Variants in TMA16 observed in about 807,000 individuals in gnomAD.
TMA16 encodes translation machinery associated 16 homolog.
TMA16 carries 26 observed loss-of-function variants against 27.1 expected under a neutral mutation model. The observed-to-expected ratio is 0.96, with a 90% confidence interval of 0.70 to 1.33. The LOEUF is 1.33. Among genes scored for constraint, TMA16 ranks in the 40% most tolerant of loss-of-function variants. The pLI is 0.00. For missense variants in TMA16, 233 were observed against 241.4 expected (o/e 0.97, Z 0.23); for synonymous variants, 71 against 81.9 (o/e 0.87, Z 0.72).
intron 2 of TMA16, among the ~76,000 whole-genome samples, chr4:163,508,666 T>C (rs1737750329): frequency 6.6e-6 from 1 of 152,162 alleles, no homozygotes; most frequent in Non-Finnish European, 1.5e-5. Context: ...TATTAAAGAT[T>C]GTTTAATTCT....
intron 5 of TMA16, chr4:163,517,190 C>T (rs1319192906): frequency 1.1e-5 from 5 of 441,818 alleles, no homozygotes; most frequent in South Asian, 2.3e-5. Context: ...GCATGAGCCA[C>T]CGCGCCTGGC....
chr4:163,502,626 G>A (rs749694990), intron 1 of TMA16, among the ~76,000 whole-genome samples: 4 of 152,138 alleles, frequency 2.6e-5, no homozygotes, highest in Admixed American at 6.5e-5. Context: ...ACCTTTAAGT[G>A]GTCTTCGAAG....
chr4:163,516,867 C>T (rs1365673560), intron 5 of TMA16, among the ~76,000 whole-genome samples: 3 of 151,918 alleles, frequency 2.0e-5, no homozygotes, highest in Non-Finnish European at 2.9e-5. Flanking sequence ...CGTTTGAAAA[C>T]ATTGTACTTT....
intron 2 of TMA16, among the ~76,000 whole-genome samples, chr4:163,512,265 C>T (rs1165998415): frequency 6.6e-6 from 1 of 152,120 alleles, no homozygotes; most frequent in Non-Finnish European, 1.5e-5. Flanking sequence ...CTGGCAAAGA[C>T]TTGGTATCCA....
intron 5 of TMA16, chr4:163,516,246 G>A (rs915187571): frequency 6.6e-6 from 1 of 152,234 alleles, no homozygotes; most frequent in South Asian, 2.1e-4. Context: ...CAGGGGATGG[G>A]TCTGATGAAC....
rs575067519 is a variant in TMA16 at position 163,500,930 on chromosome 4, T to A, written c.4-6103T>A. Among the ~76,000 whole-genome samples, 3 of 152,358 alleles carry A rather than the reference T, an allele frequency of 2.0e-5. No individual in the cohort carries two copies. The South Asian group carries it at 6.2e-4, about 32-fold the overall frequency. ...AAGATAGAAGGCAAGTACTATTGTA[T>A]TTAAGTTGGAAAAACTGATCTATTT... On this transcript the variant is annotated intron_variant, in intron 1 of 6. Transcript: ENST00000358572.
At chr4:163,514,593 A>G (rs1737848063) in intron 4 of TMA16, among the ~76,000 whole-genome samples, 1 of 152,206 alleles carries the variant, frequency 6.6e-6, no homozygotes, top group African/African-American at 2.4e-5. Flanking sequence ...TAGCTCATGA[A>G]AGACCTCAGA....
chr4:163,512,897 A>G (rs745551262), intron 3 of TMA16, 38 bp downstream of exon 3: 5 of 1,547,920 alleles, frequency 3.2e-6, no homozygotes, highest in Admixed American at 3.5e-5. Flanking sequence ...TGGCTAGAGT[A>G]TAGGGCATTT....
chr4:163,516,815 T>C (rs1022318466), intron 5 of TMA16, among the ~76,000 whole-genome samples: 2 of 152,194 alleles, frequency 1.3e-5, no homozygotes, highest in African/African-American at 4.8e-5. Context: ...CATTAATTCT[T>C]GCATTCCTGA....
rs374387287 is a variant in TMA16, at chr4:163,513,261, T to A, written c.154+402T>A. On this transcript the variant is annotated intron_variant, in intron 3 of 6. Transcript: ENST00000358572. The stretch of plus-strand genomic sequence containing the variant: ...TTGTATCTCAGTGTCATGTCACTGT[T>A]TTTTTGGTCAGATTTATTGCTAATA... Among the ~76,000 whole-genome samples, 14 of 152,214 alleles carry A rather than the reference T, an allele frequency of 9.2e-5. No individual in the cohort carries two copies. The East Asian group carries it at 9.6e-4, about 10-fold the overall frequency.
rs756884236 is a variant in TMA16, at chr4:163,517,471, A to G, written c.426A>G (p.Thr142=). ...PDILNASNLK[T]FREWDFDLKK... is the part of the protein sequence containing the mutation. ...TTCTAAATGCAAGTAATCTGAAAAC[A>G]TTTAGGTGAGTCTGTCTTGTATTGT... is the stretch of plus-strand genomic sequence containing the variant. The change falls in exon 6 of 7, where the codon ACA becomes ACG. Residue 142 remains threonine, a synonymous_variant. Transcript: ENST00000358572. 3.7e-6 allele frequency: 6 copies of G among 1,613,554 alleles called. No individual in the cohort carries two copies. The highest frequency in any genetic ancestry group is 1.7e-5 in the Admixed American group (1 of 59,960).
intron 1 of TMA16, among the ~76,000 whole-genome samples, chr4:163,501,940 AG>A (rs1737655405): frequency 6.6e-6 from 1 of 152,208 alleles, no homozygotes; most frequent in Admixed American, 6.5e-5. Flanking sequence ...TTACTAAGTT[AG>A]CTATTCCTGA....
At chr4:163,517,282 C>T (rs1219929295) in intron 5 of TMA16, 152 bp from the exon 6 acceptor site, 3 of 662,630 alleles carry the variant, frequency 4.5e-6, no homozygotes, top group Admixed American at 5.7e-5. Flanking sequence ...CTTAAACTAA[C>T]CCCTTTTGCA....
rs533702162 is a variant in TMA16 at position 163,511,629 on chromosome 4, A to G, written c.117-1193A>G. On this transcript the variant is annotated intron_variant, in intron 2 of 6. Coordinates refer to ENST00000358572, the MANE Select transcript of TMA16 (RefSeq NM_018352.3). ...AGTTTGAGACGAGCCTGGGTGACAC[A>G]GTGAGACTCTGTCTCTACAAAAATA... Among the ~76,000 whole-genome samples, 5 of 151,604 alleles carry G rather than the reference A, an allele frequency of 3.3e-5. No individual in the cohort carries two copies. The East Asian group carries it at 7.8e-4, about 24-fold the overall frequency.
At chr4:163,514,051 G>T (rs371358172) in intron 3 of TMA16, 23 bp from the exon 4 acceptor site, 6 of 1,568,478 alleles carry the variant, frequency 3.8e-6, no homozygotes, top group Non-Finnish European at 5.2e-6. Flanking sequence ...GGGGTAAACT[G>T]TCTTGGTACT....
intron 1 of TMA16, among the ~76,000 whole-genome samples, chr4:163,505,826 G>A (rs945484955): frequency 6.6e-6 from 1 of 152,182 alleles, no homozygotes; most frequent in Non-Finnish European, 1.5e-5. Flanking sequence ...GAAAGGACTA[G>A]TGGGGAGAAT....
chr4:163,513,599 C>G (rs1383668284), intron 3 of TMA16, among the ~76,000 whole-genome samples: 1 of 152,098 alleles, frequency 6.6e-6, no homozygotes, highest in Non-Finnish European at 1.5e-5. Context: ...GGGCCCTGGA[C>G]AGGTCATTTA....
chr4:163,506,596 A>G (rs1291951462), intron 1 of TMA16, among the ~76,000 whole-genome samples: 4 of 152,170 alleles, frequency 2.6e-5, no homozygotes, highest in East Asian at 1.9e-4. Flanking sequence ...TTGATTTTGC[A>G]TGATTCATTG....
At chr4:163,505,422 A>C (rs1024112782) in intron 1 of TMA16, among the ~76,000 whole-genome samples, 2 of 152,214 alleles carry the variant, frequency 1.3e-5, no homozygotes, top group African/African-American at 4.8e-5. Flanking sequence ...CAGAGCGCTC[A>C]ATGAGTGTTG....
Sources: allele counts gnomAD v4.1 joint callset (sites outside exome capture counted in the v4.1 genomes callset), GRCh38; gene constraint gnomAD v4.1.1; transcripts MANE v1.5; gene names NCBI Gene and HGNC (gene_info 2026-07-23, HGNC 2026-07-21).